Variants in MTBP observed in about 807,000 individuals in gnomAD.
MTBP encodes mdm2-binding protein.
In MTBP, 101 loss-of-function variants were observed where a neutral mutation model predicts 117.0. The ratio of observed to expected loss-of-function variants is 0.86; its 90% CI spans 0.73 to 1.02. MTBP has a LOEUF of 1.02. MTBP is among the 50% of genes least tolerant of loss of function. MTBP has a pLI of 0.00. For missense variants in MTBP, 970 were observed against 1,030.9 expected, an observed-to-expected ratio of 0.94 and a Z score of 0.81; for synonymous variants, 350 against 351.5, an observed-to-expected ratio of 1.00 and a Z score of 0.05.
chr8:120,450,912 A>G, intron 2 of MTBP, 91 bp from the exon 3 acceptor site: 1 of 843,348 alleles, frequency 1.2e-6, no homozygotes, highest in Non-Finnish European at 1.9e-6. Context: ...ATATGTTTCA[A>G]AAGTTATGGT....
At chr8:120,464,078 C>T (rs1813638086) in intron 10 of MTBP, among the ~76,000 whole-genome samples, 1 of 151,876 alleles carries the variant, frequency 6.6e-6, no homozygotes, top group Admixed American at 6.6e-5. Flanking sequence ...CTTCAACATG[C>T]GATTTCAATT....
intron 1 of MTBP, 27 bp downstream of exon 1, chr8:120,445,615 G>T: frequency 6.4e-7 from 1 of 1,569,640 alleles, no homozygotes; most frequent in South Asian, 1.1e-5. Context: ...GAAAGAGCGG[G>T]AACGGCTTGT....
At position 120,516,130 on chromosome 8, in the gene MTBP, A is replaced by G. The variant is rs1039438814; in HGVS notation, c.2185A>G (p.Thr729Ala). ...AGAAGTTTTACAAAATGAACTTCGA[A>G]CTGAAGTATCCCGATTGAAACGGAG... ...DGEVLQNELR[T>A]EVSRLKRRSK... The change falls in exon 18 of 22, where the codon ACT becomes GCT. Residue 729 changes from threonine to alanine, a missense_variant. Physicochemically the swap from Thr to Ala is moderately conservative, Grantham distance 58 (BLOSUM62 0). Transcript: ENST00000305949. The G allele has an allele frequency of 6.2e-6, 10 of 1,612,620 alleles. No individual in the cohort carries two copies. Among genetic ancestry groups the G allele is most frequent in the African/African-American group, 5.3e-5 (4 of 74,874 alleles).
chr8:120,505,958 A>T (rs923375122), intron 15 of MTBP, among the ~76,000 whole-genome samples: 1 of 152,188 alleles, frequency 6.6e-6, no homozygotes, highest in East Asian at 1.9e-4. Context: ...GTATGTTAGC[A>T]TCTTTACTTG....
rs928337329 is a variant in MTBP at position 120,497,681 on chromosome 8, C to T, written c.1609+127C>T. 5.4e-5 allele frequency: 33 copies of T among 610,472 alleles called. No homozygotes were observed. The East Asian group carries it at 9.5e-4, about 18-fold the overall frequency. The allele number at this position is 610,472 out of a possible 1,614,324, so 37.8% of individuals were successfully genotyped here. On this transcript the variant is annotated intron_variant, in intron 14 of 21. Transcript: ENST00000305949. ...TCACAAATTTAAATAATAATAGATA[C>T]TTATATAGATACAAGTATGTATGTA...
chr8:120,477,525 GA>G (rs1480792891), intron 11 of MTBP, among the ~76,000 whole-genome samples: 4 of 152,082 alleles, frequency 2.6e-5, no homozygotes, highest in Non-Finnish European at 5.9e-5. Context: ...CTAATATCCA[GA>G]ATCTACAAGG....
chr8:120,520,290 C>T (rs867782256), intron 20 of MTBP, among the ~76,000 whole-genome samples: 2 of 151,884 alleles, frequency 1.3e-5, no homozygotes, highest in South Asian at 4.1e-4. Flanking sequence ...CATGAAAGCT[C>T]CATAACTTTA....
At chr8:120,477,617 A>G (rs1813971618) in intron 11 of MTBP, among the ~76,000 whole-genome samples, 1 of 152,134 alleles carries the variant, frequency 6.6e-6, no homozygotes. Flanking sequence ...CTTCTCAGAA[A>G]AAGACATTTA....
chr8:120,469,416 C>CT (rs1289057023), intron 10 of MTBP, among the ~76,000 whole-genome samples: 2 of 152,174 alleles, frequency 1.3e-5, no homozygotes, highest in Non-Finnish European at 2.9e-5. Flanking sequence ...TCTTCTGCAA[C>CT]TTCTTGTGTA....
intron 11 of MTBP, among the ~76,000 whole-genome samples, chr8:120,486,900 T>C (rs1418920330): frequency 6.6e-6 from 1 of 152,246 alleles, no homozygotes; most frequent in Non-Finnish European, 1.5e-5. Flanking sequence ...AAATGTTTCT[T>C]AATTTGGTAT....
chr8:120,497,631 T>G, intron 14 of MTBP, 77 bp downstream of exon 14: 1 of 874,580 alleles, frequency 1.1e-6, no homozygotes. Context: ...ACTTATAAAA[T>G]GTATTGGTCA....
chr8:120,519,429 A>G lies in MTBP; in HGVS notation c.2610+612A>G, dbSNP rs183913945. 2.0e-5 allele frequency among the ~76,000 whole-genome samples: 3 copies of G among 152,206 alleles called. No homozygotes were observed. In the East Asian group the frequency reaches 5.8e-4, roughly 29 times the overall value. ...ACACCTAGTTTCTAATTTTGGATCC[A>G]TTATCAGCTAGTTGTAAGACATTGG... On this transcript the variant is annotated intron_variant, in intron 20 of 21. Coordinates refer to ENST00000305949, the MANE Select transcript of MTBP (RefSeq NM_022045.5).
intron 16 of MTBP, among the ~76,000 whole-genome samples, chr8:120,509,184 A>G (rs1448947650): frequency 1.3e-5 from 2 of 152,194 alleles, no homozygotes; most frequent in Admixed American, 6.5e-5. Context: ...GTGTTTTAGT[A>G]GGAAGTAAAT....
intron 19 of MTBP, 104 bp downstream of exon 19, chr8:120,518,204 G>A (rs2130622503): frequency 3.1e-6 from 4 of 1,280,726 alleles, no homozygotes; most frequent in South Asian, 1.6e-5. Context: ...GAAATGAAAC[G>A]ATGTCTAGAA....
chr8:120,501,276 G>A (rs1298953891), intron 14 of MTBP, among the ~76,000 whole-genome samples: 1 of 151,750 alleles, frequency 6.6e-6, no homozygotes. Context: ...CCAGGAGAAT[G>A]GCGTGAACCT....
chr8:120,473,101 T>G (rs1813856306), intron 11 of MTBP: 1 of 152,202 alleles, frequency 6.6e-6, no homozygotes, highest in Admixed American at 6.5e-5. Flanking sequence ...TCCTGTATAT[T>G]TTACATCATC....
chr8:120,474,538 A>T (rs1338570843), intron 11 of MTBP, among the ~76,000 whole-genome samples: 1 of 151,984 alleles, frequency 6.6e-6, no homozygotes, highest in Admixed American at 6.6e-5. Flanking sequence ...GTTTCTCCAC[A>T]ATCTACTGAA....
In MTBP at chr8:120,490,583, T is replaced by C. The variant is rs543911740; in HGVS notation, c.1447+13T>C. The C allele has an allele frequency of 1.6e-5, 24 of 1,532,146 alleles. No homozygotes were observed. The Admixed American group carries it at 3.7e-4, about 24-fold the overall frequency. The allele number at this position is 1,532,146 out of a possible 1,614,324, so 94.9% of individuals were successfully genotyped here. ...GAAGAATGCCTAAGTAAGTAACAATTTGTGTATTTTATCCTACCCTAAAAA... is the reference window on the plus strand; with the variant it reads ...GAAGAATGCCTAAGTAAGTAACAATCTGTGTATTTTATCCTACCCTAAAAA... On this transcript the variant is annotated intron_variant, in intron 13 of 21. Coordinates refer to ENST00000305949, the MANE Select transcript of MTBP (RefSeq NM_022045.5).
At chr8:120,477,372 C>G (rs1027696724) in intron 11 of MTBP, among the ~76,000 whole-genome samples, 4 of 152,154 alleles carry the variant, frequency 2.6e-5, no homozygotes, top group Admixed American at 2.6e-4. Flanking sequence ...ACACTAAAAG[C>G]AATGGCAGCA....
Sources: allele counts gnomAD v4.1 joint callset (sites outside exome capture counted in the v4.1 genomes callset), GRCh38; gene constraint gnomAD v4.1.1; transcripts MANE v1.5; gene names NCBI Gene and HGNC (gene_info 2026-07-23, HGNC 2026-07-21).